Variants in DNAJC5G observed in about 807,000 individuals in gnomAD.
The protein encoded by DNAJC5G is DnaJ heat shock protein family (Hsp40) member C5 gamma, also known as dnaJ homolog subfamily C member 5G.
Under a neutral mutation model 19.1 loss-of-function variants are expected in DNAJC5G, and 13 were observed. The ratio of observed to expected loss-of-function variants is 0.68; its 90% CI spans 0.44 to 1.08. DNAJC5G has a LOEUF of 1.08. Among genes scored for constraint, DNAJC5G ranks in the 50% least tolerant of loss-of-function variants. DNAJC5G has a pLI of 0.00. For missense variants in DNAJC5G, 245 were observed against 230.4 expected, an observed-to-expected ratio of 1.06 and a Z score of -0.41; for synonymous variants, 81 against 84.4, an observed-to-expected ratio of 0.96 and a Z score of 0.22.
Position 27,280,616 on chromosome 2 carries a change from A to C in DNAJC5G, c.*206A>C. ...CATCACCTCTACCCTTGGTACCACA[A>C]CTCTGTATGGGGTTGCCCAGCTACT... is the stretch of plus-strand genomic sequence containing the variant. On this transcript the variant is annotated 3_prime_UTR_variant, in exon 7 of 7. Coordinates refer to ENST00000296097, the MANE Select transcript of DNAJC5G (RefSeq NM_173650.3). The C allele has an allele frequency of 6.0e-6, 1 of 165,310 alleles. No homozygotes were observed. Among genetic ancestry groups the C allele is most frequent in the South Asian group, 1.6e-4 (1 of 6,236 alleles). 10.2% of individuals were successfully genotyped at this position (165,310 alleles called of 1,614,324 possible).
At position 27,278,199 on chromosome 2, in the gene DNAJC5G, C is replaced by T; in HGVS notation, c.387C>T (p.Ile129=). ...LNSCWFKTLV[I]LCTLLTCCCF... ...CGCCTACCTTTTAGACACTTGTCAT[C>T]CTGTGTACTCTGCTCACTTGTTGCT... The change falls in exon 5 of 7, where the codon ATC becomes ATT. Residue 129 remains isoleucine (I), a synonymous_variant. Transcript: ENST00000296097. 1 of 1,614,138 alleles carries T rather than the reference C, an allele frequency of 6.2e-7. No individual in the cohort carries two copies. Among genetic ancestry groups the T allele is most frequent in the Non-Finnish European group, 8.5e-7 (1 of 1,180,026 alleles).
chr2:27,277,698 C>T (rs987988312), intron 3 of DNAJC5G, 56 bp from the exon 4 acceptor site: 8 of 1,601,790 alleles, frequency 5.0e-6, no homozygotes, highest in Non-Finnish European at 6.0e-6. Flanking sequence ...TCATGCATTC[C>T]TTCTGCACTC....
chr2:27,276,704 T>TG (rs1413184441), intron 2 of DNAJC5G, 22 bp from the exon 3 acceptor site: 1 of 1,607,162 alleles, frequency 6.2e-7, no homozygotes, highest in Admixed American at 1.7e-5. Flanking sequence ...TTCTCACAGA[T>TG]GCTGCTTCTC....
rs185030275 is a variant in DNAJC5G at position 27,277,976 on chromosome 2, C to T, written c.336C>T (p.Gly112=). The T allele has an allele frequency of 5.6e-6, 9 of 1,614,172 alleles. No homozygotes were observed. Among genetic ancestry groups the T allele is most frequent in the Middle Eastern group, 1.6e-4 (1 of 6,062 alleles). Residue 112 remains glycine (G), a synonymous_variant, in exon 4 of 7, where the codon GGC becomes GGT. Transcript: ENST00000296097. ...TGTATGATCACTTTGGTGAAGAAGG[C>T]GTCAGATACTATTTTATTCTGAATA... ...IYLYDHFGEE[G]VRYYFILNSC... is the part of the protein sequence containing the mutation.
intron 5 of DNAJC5G, among the ~76,000 whole-genome samples, chr2:27,279,435 G>A (rs1039156971): frequency 2.6e-5 from 4 of 152,132 alleles, no homozygotes; most frequent in African/African-American, 9.7e-5. Context: ...CTCCTGAGTA[G>A]CTGGGATTAC....
At position 27,275,455 on chromosome 2, in the gene DNAJC5G, CT is replaced by C. The variant is rs1277068529; in HGVS notation, c.-383del. ...CCTGCCCAGACCCTCAGCGTCGACG[CT>C]GCGCACAAGCGCAGTCAACTGCTGG... On this transcript the variant is annotated 5_prime_UTR_variant, in exon 1 of 7. Coordinates refer to ENST00000296097, the MANE Select transcript of DNAJC5G (RefSeq NM_173650.3). The C allele has an allele frequency of 2.9e-6, 1 of 350,816 alleles. No homozygotes were observed. The highest frequency in any genetic ancestry group is 7.6e-5 in the East Asian group (1 of 13,152). 21.7% of individuals were successfully genotyped at this position (350,816 alleles called of 1,614,324 possible).
rs776671681 is a variant in DNAJC5G, at chr2:27,276,838, A to G, written c.110A>G (p.Tyr37Cys). ...TCACCTGAAGACTTCAAAAAATCCT[A>G]CAGGTTCAGACCTCAGCCCTTTATT... ...GASPEDFKKS[Y>C]SHSALLPHPP... is the part of the protein sequence containing the mutation. The change falls in exon 3 of 7, where the codon TAC (tyrosine) becomes TGC (cysteine). Residue 37 changes from tyrosine (Y) to cysteine (C), a missense_variant. By Grantham distance (194) the Tyr-to-Cys change is radical (BLOSUM62 -2). Transcript: ENST00000296097. The G allele has an allele frequency of 2.7e-5, 43 of 1,612,672 alleles. No individual in the cohort carries two copies. Among genetic ancestry groups the G allele is most frequent in the East Asian group, 1.1e-4 (5 of 44,834 alleles).
In DNAJC5G at chr2:27,275,500, T is replaced by C. The variant is rs932787158; in HGVS notation, c.-339T>C. The C allele has an allele frequency of 3.0e-6, 1 of 330,712 alleles. No individual in the cohort carries two copies. Among genetic ancestry groups the C allele is most frequent in the Non-Finnish European group, 6.0e-6 (1 of 167,636 alleles). The allele number at this position is 330,712 out of a possible 1,614,324, so 20.5% of individuals were successfully genotyped here. A position where few individuals can be genotyped will look rare whatever the true frequency, so the allele number is the denominator to read the frequency against. On this transcript the variant is annotated 5_prime_UTR_variant, in exon 1 of 7. Transcript: ENST00000296097. ...CTGCTGGACCCGGCCGGTGTGAAGT[T>C]TCACACCCAAAAGGATGAAGGGCAC...
chr2:27,278,608 C>T (rs573629222), intron 5 of DNAJC5G, among the ~76,000 whole-genome samples: 5 of 143,596 alleles, frequency 3.5e-5, no homozygotes, highest in East Asian at 2.1e-4. Flanking sequence ...CGCTTGAACC[C>T]GGAAGGCAGA....
intron 3 of DNAJC5G, 29 bp from the exon 4 acceptor site, chr2:27,277,725 T>C (rs946625429): frequency 8.1e-6 from 13 of 1,613,024 alleles, no homozygotes; most frequent in Non-Finnish European, 1.1e-5. Context: ...GACTAATCCA[T>C]GTCATTCATC....
Position 27,277,975 on chromosome 2 carries a change from G to T in DNAJC5G, c.335G>T (p.Gly112Val). 1 of 1,614,200 alleles carries T rather than the reference G, an allele frequency of 6.2e-7. No individual in the cohort carries two copies. Among genetic ancestry groups the T allele is most frequent in the Non-Finnish European group, 8.5e-7 (1 of 1,180,046 alleles). ...IYLYDHFGEE[G>V]VRYYFILNSC... ...CTGTATGATCACTTTGGTGAAGAAGGCGTCAGATACTATTTTATTCTGAAT... is the reference window on the plus strand; with the variant it reads ...CTGTATGATCACTTTGGTGAAGAAGTCGTCAGATACTATTTTATTCTGAAT... The change falls in exon 4 of 7, where the codon GGC (glycine) becomes GTC (valine). Residue 112 changes from glycine (G) to valine (V), a missense_variant. Physicochemically the swap from Gly to Val is moderately radical, Grantham distance 109. Transcript: ENST00000296097.
At chr2:27,276,584 C>T (rs1678087612) in intron 2 of DNAJC5G, 142 bp from the exon 3 acceptor site, 1 of 628,288 alleles carries the variant, frequency 1.6e-6, no homozygotes, top group Non-Finnish European at 2.7e-6. Flanking sequence ...AAATCCCACT[C>T]ACTCTTATCT....
Position 27,276,708 on chromosome 2 carries a change from G to A in DNAJC5G, c.-3-18G>A. 1 of 1,607,970 alleles carries A rather than the reference G, an allele frequency of 6.2e-7. No individual in the cohort carries two copies. Among genetic ancestry groups the A allele is most frequent in the Non-Finnish European group, 8.5e-7 (1 of 1,177,648 alleles). ...ACTTGTAGAAGTTCTCACAGATGCT[G>A]CTTCTCCTCTGGCTCAGATCATGTC... On this transcript the variant is annotated intron_variant, in intron 2 of 6. Coordinates refer to ENST00000296097, the MANE Select transcript of DNAJC5G (RefSeq NM_173650.3).
At chr2:27,280,106 T>C in intron 5 of DNAJC5G, 60 bp from the exon 6 acceptor site, 2 of 1,539,802 alleles carry the variant, frequency 1.3e-6, no homozygotes, top group Non-Finnish European at 1.8e-6. Context: ...TTCTCATCAG[T>C]ACACTACGAA....
chr2:27,280,374 G>A (rs1678317899), intron 6 of DNAJC5G, 55 bp from the exon 7 acceptor site: 1 of 731,648 alleles, frequency 1.4e-6, no homozygotes, highest in Admixed American at 2.5e-5. Context: ...TTTGCTTTAA[G>A]TTCTAGGTAA....
rs1398159471 is a variant in DNAJC5G, at chr2:27,275,442, C to T, written c.-397C>T. ...CGCCAAAAAACGACCTGCCCAGACC[C>T]TCAGCGTCGACGCTGCGCACAAGCG... On this transcript the variant is annotated 5_prime_UTR_variant, in exon 1 of 7. Coordinates refer to ENST00000296097, the MANE Select transcript of DNAJC5G (RefSeq NM_173650.3). 2.8e-6 allele frequency: 1 copy of T among 355,270 alleles called. No individual in the cohort carries two copies. The highest frequency in any genetic ancestry group is 2.1e-5 in the African/African-American group (1 of 46,664). 22.0% of individuals were successfully genotyped at this position (355,270 alleles called of 1,614,324 possible).
At chr2:27,280,347 A>C (rs1678316825) in intron 6 of DNAJC5G, 82 bp from the exon 7 acceptor site, 2 of 879,164 alleles carry the variant, frequency 2.3e-6, no homozygotes, top group South Asian at 2.9e-5. Flanking sequence ...ATGTGTTTAT[A>C]TCCTTACATG....
At position 27,280,822 on chromosome 2, in the gene DNAJC5G, C is replaced by G. The variant is rs1242707504; in HGVS notation, c.*412C>G. On this transcript the variant is annotated 3_prime_UTR_variant, in exon 7 of 7. Transcript: ENST00000296097. ...CCTGAGCCCCTTGCGATATCACCAC[C>G]AAGAGCCTGATAACTGAGCAGGGTG... 1.3e-5 allele frequency: 2 copies of G among 153,066 alleles called. No individual in the cohort carries two copies. The highest frequency in any genetic ancestry group is 2.9e-5 in the Non-Finnish European group (2 of 68,574). The allele number at this position is 153,066 out of a possible 1,614,324, so 9.5% of individuals were successfully genotyped here.
intron 3 of DNAJC5G, 66 bp downstream of exon 3, chr2:27,276,907 C>A: frequency 9.5e-5 from 91 of 961,510 alleles, no homozygotes; most frequent in Non-Finnish European, 1.3e-4. Flanking sequence ...TTCTGTATCT[C>A]TTTTGCTATC....
Sources: gnomAD v4.1 joint callset for allele counts (sites outside exome capture counted in the v4.1 genomes callset) on GRCh38, gnomAD v4.1.1 for gene constraint, MANE v1.5 for transcripts, NCBI Gene and HGNC (gene_info 2026-07-23, HGNC 2026-07-21) for gene names.